Variants in ABL1 observed in about 807,000 individuals in gnomAD.
The protein encoded by ABL1 is ABL proto-oncogene 1, non-receptor tyrosine kinase, also known as tyrosine-protein kinase ABL1.
In ABL1, 11 loss-of-function variants were observed where a neutral mutation model predicts 94.7. The ratio of observed to expected loss-of-function variants is 0.12; its 90% CI spans 0.07 to 0.19. The LOEUF is 0.19. Among genes scored for constraint, ABL1 ranks in the 10% least tolerant of loss-of-function variants. The pLI, the probability that ABL1 is intolerant of heterozygous loss-of-function variation, is 1.00. For missense variants in ABL1, 1,082 were observed against 1,489.4 expected, an observed-to-expected ratio of 0.73 and a Z score of 4.50; for synonymous variants, 656 against 622.4, an observed-to-expected ratio of 1.05 and a Z score of -0.80.
intron 1 of ABL1, among the ~76,000 whole-genome samples, chr9:130,843,712 G>T (rs1830713680): frequency 6.6e-6 from 1 of 152,106 alleles, no homozygotes; most frequent in African/African-American, 2.4e-5. Flanking sequence ...GGGAGGCCAG[G>T]AAGAGCAGAA....
intron 1 of ABL1, among the ~76,000 whole-genome samples, chr9:130,844,178 T>C (rs1467953355): frequency 6.6e-6 from 1 of 152,140 alleles, no homozygotes; most frequent in Non-Finnish European, 1.5e-5. Context: ...GAGAGTGACC[T>C]GGTCAGGTCT....
chr9:130,745,115 G>C (rs1408016931), intron 1 of ABL1, among the ~76,000 whole-genome samples: 3 of 137,154 alleles, frequency 2.2e-5, no homozygotes, highest in Admixed American at 1.5e-4. Flanking sequence ...GCAGAGTTTT[G>C]CTCTTGTTGC....
At position 130,835,815 on chromosome 9, in the gene ABL1, GC is replaced by G. The variant is rs1381159478; in HGVS notation, c.79+295del. 6.6e-6 allele frequency among the ~76,000 whole-genome samples: 1 copy of G among 152,146 alleles called. No homozygotes were observed. The highest frequency in any genetic ancestry group is 2.4e-5 in the African/African-American group (1 of 41,412). On this transcript the variant is annotated intron_variant, in intron 1 of 10. Coordinates refer to ENST00000318560, the MANE Select transcript of ABL1 (RefSeq NM_005157.6). The surrounding 1 kb of genome is among the most constrained non-coding windows in gnomAD (Gnocchi z 4.6). ...CCCTAGGCGCCGCCGGCGGAGCGTG[GC>G]CCCCAGCCCCGGCACCAGCCCCGGT...
intron 1 of ABL1, among the ~76,000 whole-genome samples, chr9:130,847,957 G>A (rs564386019): frequency 5.3e-5 from 8 of 152,264 alleles, no homozygotes; most frequent in East Asian, 1.9e-4. Flanking sequence ...CCACTTCCCC[G>A]ATTATGTAAC....
At chr9:130,851,755 CCTCTCTTTTT>C (rs1830868159) in intron 1 of ABL1, among the ~76,000 whole-genome samples, 1 of 147,706 alleles carries the variant, frequency 6.8e-6, no homozygotes, top group African/African-American at 2.6e-5. Context: ...TTAGAATTTT[CCTCTCTTTTT>C]CTTTTTTTTT....
chr9:130,733,167 C>T (rs1831688354), intron 1 of ABL1, among the ~76,000 whole-genome samples: 2 of 152,104 alleles, frequency 1.3e-5, no homozygotes, highest in African/African-American at 4.8e-5. Flanking sequence ...ACTGAATTTA[C>T]AGTAATATCT....
Position 130,835,561 on chromosome 9 carries a change from G to T in ABL1, c.79+36G>T, listed in dbSNP as rs190123569. ...GCCGCACGGGTTGGGCTGAGTAGCC[G>T]CGCGCCCTCCCGCTGCTGCTGGGCC... is the stretch of plus-strand genomic sequence containing the variant. On this transcript the variant is annotated intron_variant, in intron 1 of 10. Coordinates refer to ENST00000318560, the MANE Select transcript of ABL1 (RefSeq NM_005157.6). The surrounding 1 kb of genome is among the most constrained non-coding windows in gnomAD (Gnocchi z 4.6). The T allele has an allele frequency of 3.9e-6, 6 of 1,527,784 alleles. No individual in the cohort carries two copies. Among genetic ancestry groups the T allele is most frequent in the Non-Finnish European group, 5.3e-6 (6 of 1,128,526 alleles). The allele number at this position is 1,527,784 out of a possible 1,614,324, so 94.6% of individuals were successfully genotyped here.
intron 1 of ABL1, among the ~76,000 whole-genome samples, chr9:130,802,728 T>C (rs1830072543): frequency 6.6e-6 from 1 of 152,196 alleles, no homozygotes; most frequent in African/African-American, 2.4e-5. Context: ...TTGAACTAAT[T>C]TGTCCCACTG....
intron 3 of ABL1, among the ~76,000 whole-genome samples, chr9:130,861,065 C>T (rs563259749): frequency 6.6e-6 from 1 of 152,160 alleles, no homozygotes; most frequent in Non-Finnish European, 1.5e-5. Flanking sequence ...GAGCAGTTCA[C>T]TCAGAGGCTT....
chr9:130,751,721 C>T (rs921366235), intron 1 of ABL1, among the ~76,000 whole-genome samples: 1 of 152,200 alleles, frequency 6.6e-6, no homozygotes, highest in African/African-American at 2.4e-5. Context: ...CTCCTCAACA[C>T]CCATGAAGCC....
In ABL1 at chr9:130,835,352, C is replaced by T. The variant is rs752422044; in HGVS notation, c.-95C>T. On this transcript the variant is annotated 5_prime_UTR_variant, in exon 1 of 11. Coordinates refer to ENST00000318560, the MANE Select transcript of ABL1 (RefSeq NM_005157.6). This position sits in a 1 kb window ranked among gnomAD's most constrained non-coding sequence, Gnocchi z 4.6. ...TGAGGGCGGCTGGCGGGGCCGGGGG[C>T]GCCGGGGGGGCGCGCGGGCCGAGCC... 4.6e-6 allele frequency: 2 copies of T among 430,440 alleles called. No homozygotes were observed. Among genetic ancestry groups the T allele is most frequent in the Non-Finnish European group, 5.1e-6 (2 of 391,912 alleles). The allele number at this position is 430,440 out of a possible 1,614,324, so 26.7% of individuals were successfully genotyped here. A position where few individuals can be genotyped will look rare whatever the true frequency, so the allele number is the denominator to read the frequency against.
At chr9:130,874,303 T>A (rs1353379413) in intron 6 of ABL1, among the ~76,000 whole-genome samples, 1 of 152,138 alleles carries the variant, frequency 6.6e-6, no homozygotes, top group Admixed American at 6.5e-5. Context: ...TACATTTGGG[T>A]ACACCTCAGG....
chr9:130,743,408 C>T (rs1441562204), intron 1 of ABL1, among the ~76,000 whole-genome samples: 2 of 152,102 alleles, frequency 1.3e-5, no homozygotes, highest in Admixed American at 1.3e-4. Context: ...GGGGAGGTAG[C>T]CTCTAAGATG....
At chr9:130,767,978 G>T (rs1051534730) in intron 1 of ABL1, among the ~76,000 whole-genome samples, 4 of 152,194 alleles carry the variant, frequency 2.6e-5, no homozygotes, top group African/African-American at 9.7e-5. Flanking sequence ...GGAACCTATG[G>T]ATTTAAAAAT....
chr9:130,855,514 C>T (rs925772906), intron 3 of ABL1, among the ~76,000 whole-genome samples: 1 of 152,168 alleles, frequency 6.6e-6, no homozygotes. Context: ...CCCCCACAGA[C>T]GCCTGGCACG....
intron 3 of ABL1, among the ~76,000 whole-genome samples, chr9:130,856,930 T>C (rs527775131): frequency 1.3e-5 from 2 of 152,362 alleles, no homozygotes; most frequent in East Asian, 3.9e-4. Flanking sequence ...AATGCTGATA[T>C]GAGGTGGCTT....
chr9:130,810,747 T>G (rs553381850), intron 1 of ABL1, among the ~76,000 whole-genome samples: 1 of 148,434 alleles, frequency 6.7e-6, no homozygotes, highest in Admixed American at 6.8e-5. Context: ...AAAAAATATA[T>G]ATAGAGAGAG....
Position 130,814,241 on chromosome 9 carries a change from C to T in ABL1, c.137-39823C>T, listed in dbSNP as rs183124401. Among the ~76,000 whole-genome samples the T allele has an allele frequency of 5.9e-5, 9 of 151,418 alleles. No individual in the cohort carries two copies. Among genetic ancestry groups the T allele is most frequent in the African/African-American group, 1.9e-4 (8 of 41,224 alleles). ...GTCGGAGGTTGCAGTGAACCGAGAT[C>T]GCGCCATTGCACTCCACCCTAGCGA... On this transcript the variant is annotated intron_variant, in intron 1 of 10. Transcript: ENST00000372348. The surrounding 1 kb of genome is among the most constrained non-coding windows in gnomAD (Gnocchi z 4.4).
chr9:130,858,137 C>T (rs778076313), intron 3 of ABL1, among the ~76,000 whole-genome samples: 10 of 151,324 alleles, frequency 6.6e-5, no homozygotes, highest in Non-Finnish European at 1.2e-4. Flanking sequence ...GTTTCTTTTC[C>T]CTAGAGCTGT....
Sources: allele counts gnomAD v4.1 joint callset (sites outside exome capture counted in the v4.1 genomes callset), GRCh38; gene constraint gnomAD v4.1.1; non-coding constraint Gnocchi (gnomAD v3.1); transcripts MANE v1.5; gene names NCBI Gene and HGNC (gene_info 2026-07-23, HGNC 2026-07-21).